CHAF1A: variants seen among roughly 807,000 people sequenced by gnomAD.
CHAF1A encodes the protein CAF-1 subunit A.
In CHAF1A, 5 loss-of-function variants were observed where a neutral mutation model predicts 93.2. The observed-to-expected ratio is 0.05, with a 90% CI of 0.03 to 0.11. CHAF1A has a LOEUF of 0.11. Among genes scored for constraint, CHAF1A ranks in the 10% least tolerant of loss-of-function variants. The pLI is 1.00. For missense variants in CHAF1A, 1,102 were observed against 1,259.9 expected (o/e 0.87, Z 1.90); for synonymous variants, 504 against 510.3 (o/e 0.99, Z 0.17).
Position 4,409,498 on chromosome 19 carries a change from C to A in CHAF1A, c.699C>A (p.Phe233Leu). 2 of 1,614,076 alleles carry A rather than the reference C, an allele frequency of 1.2e-6. No homozygotes were observed. The highest frequency in any genetic ancestry group is 1.1e-5 in the South Asian group (1 of 91,078). Residue 233 changes from phenylalanine to leucine, a missense_variant, in exon 3 of 15, where the codon TTC becomes TTA. Phe to Leu is a conservative substitution (Grantham distance 22). Coordinates refer to ENST00000301280, the MANE Select transcript of CHAF1A (RefSeq NM_005483.3). ...DSWSEAGGIL[F>L]KGKVPMVVLQ... ...GGAGTGAAGCTGGGGGCATCCTGTT[C>A]AAAGGGAAGGTGCCTATGGTGGTCT...
downstream of CHAF1A, chr19:4,445,362 G>A (rs1376427408): frequency 1.7e-5 from 25 of 1,438,032 alleles, no homozygotes; most frequent in East Asian, 6.9e-5. Flanking sequence ...ACAGCTCCAC[G>A]GCTGGCGCCC....
At chr19:4,435,021 C>G (rs1329079378) in intron 13 of CHAF1A, among the ~76,000 whole-genome samples, 1 of 151,022 alleles carries the variant, frequency 6.6e-6, no homozygotes, top group Admixed American at 6.6e-5. Flanking sequence ...TGTTAACGTT[C>G]ATTGCATACT....
At chr19:4,413,228 G>C (rs1973839848) in intron 3 of CHAF1A, among the ~76,000 whole-genome samples, 1 of 151,922 alleles carries the variant, frequency 6.6e-6, no homozygotes, top group East Asian at 1.9e-4. Context: ...CGCGCCACCA[G>C]GCCCAGCTAA....
At position 4,433,221 on chromosome 19, in the gene CHAF1A, C is replaced by G. The variant is rs758014152; in HGVS notation, c.2355C>G (p.Thr785=). 6.2e-7 allele frequency: 1 copy of G among 1,614,172 alleles called. No homozygotes were observed. Among genetic ancestry groups the G allele is most frequent in the Admixed American group, 1.7e-5 (1 of 60,026 alleles). ...CCACCACCTACCTGCACACCCCCAC[C>G]CCCAGCGAGGATGCCGCCATCCCCT... ...SPSTTYLHTP[T]PSEDAAIPSK... The change falls in exon 13 of 15, where the codon ACC becomes ACG. Residue 785 remains threonine (T), a synonymous_variant. Transcript: ENST00000301280. This position sits in a 1 kb window ranked among gnomAD's most constrained non-coding sequence, Gnocchi z 5.6.
intron 13 of CHAF1A, among the ~76,000 whole-genome samples, chr19:4,436,577 G>A (rs774298101): frequency 2.6e-5 from 4 of 152,180 alleles, no homozygotes; most frequent in Non-Finnish European, 4.4e-5. Context: ...GAAAATGATC[G>A]GGGCGGGAAG....
chr19:4,448,648 G>A (rs1974592280), downstream of CHAF1A: 6 of 563,082 alleles, frequency 1.1e-5, no homozygotes, highest in South Asian at 2.0e-5. Flanking sequence ...CTCCCCTTCC[G>A]CCTTCTCAAG....
intron 4 of CHAF1A, among the ~76,000 whole-genome samples, chr19:4,420,019 A>G (rs1396182654): frequency 3.3e-5 from 5 of 152,180 alleles, no homozygotes; most frequent in African/African-American, 9.7e-5. Flanking sequence ...CTGGCAGGAA[A>G]TGCACATCAG....
rs1973662751 is a variant in CHAF1A at position 4,405,463 on chromosome 19, C to T, written c.53-449C>T. On this transcript the variant is annotated intron_variant, in intron 1 of 14. Coordinates refer to ENST00000301280, the MANE Select transcript of CHAF1A (RefSeq NM_005483.3). The stretch of plus-strand genomic sequence containing the variant: ...TCTCTGCTAAAAATACAAAAATTAG[C>T]CGAGAGTGGTGGCATGCGCCTGTAG... Among the ~76,000 whole-genome samples the T allele has an allele frequency of 2.6e-5, 4 of 152,110 alleles. No individual in the cohort carries two copies. In the South Asian group the frequency reaches 8.3e-4, roughly 32 times the overall value.
At chr19:4,437,547 A>G (rs527295764) in intron 13 of CHAF1A, among the ~76,000 whole-genome samples, 26 of 151,910 alleles carry the variant, frequency 1.7e-4, no homozygotes, top group Non-Finnish European at 2.9e-4. Context: ...GACAGGGTCT[A>G]TGTTGCCCAG....
intron 13 of CHAF1A, among the ~76,000 whole-genome samples, chr19:4,436,559 C>G (rs1278656812): frequency 1.3e-5 from 2 of 152,200 alleles, no homozygotes; most frequent in Non-Finnish European, 2.9e-5. Flanking sequence ...ACCGGAGCTC[C>G]CCAGCCTGAA....
intron 4 of CHAF1A, among the ~76,000 whole-genome samples, chr19:4,420,621 T>C (rs987522181): frequency 1.3e-5 from 2 of 152,136 alleles, no homozygotes; most frequent in African/African-American, 2.4e-5. Flanking sequence ...ATGAGGAACG[T>C]AGTGATGAAG....
downstream of CHAF1A, chr19:4,448,475 C>T: frequency 7.2e-7 from 1 of 1,394,226 alleles, no homozygotes; most frequent in Non-Finnish European, 9.9e-7. Context: ...CGGCCCTCCG[C>T]TGCCCAGGTA....
intron 3 of CHAF1A, among the ~76,000 whole-genome samples, chr19:4,410,836 G>A (rs1217915457): frequency 1.3e-5 from 2 of 152,180 alleles, no homozygotes; most frequent in Non-Finnish European, 2.9e-5. Flanking sequence ...GGGTGACAGA[G>A]CGAGACCCCA....
chr19:4,408,729 T>C (rs1599637392), intron 2 of CHAF1A, 174 bp from the exon 3 acceptor site: 2 of 725,894 alleles, frequency 2.8e-6, no homozygotes, highest in Non-Finnish European at 4.4e-6. Flanking sequence ...TGCCTCGGCC[T>C]CCCCAAAGTG....
In CHAF1A at chr19:4,416,046, C is replaced by A. The variant is rs1266594134; in HGVS notation, c.961-1974C>A. On this transcript the variant is annotated intron_variant, in intron 3 of 14. Transcript: ENST00000301280. Reference sequence around the variant, plus strand: ...AAAATTACCCAGGCATGGTGGTGGGCACCTATAGTCCCAGCTACTGGGCAG... The same window carrying A: ...AAAATTACCCAGGCATGGTGGTGGGAACCTATAGTCCCAGCTACTGGGCAG... Among the ~76,000 whole-genome samples, 3 of 152,096 alleles carry A rather than the reference C, an allele frequency of 2.0e-5. No individual in the cohort carries two copies. The East Asian group carries it at 5.8e-4, about 29-fold the overall frequency.
chr19:4,410,619 A>G lies in CHAF1A; in HGVS notation c.960+860A>G, dbSNP rs572683830. On this transcript the variant is annotated intron_variant, in intron 3 of 14. Transcript: ENST00000301280. The stretch of plus-strand genomic sequence containing the variant: ...TGGTCTTGAATTTCTGACCTCAAGT[A>G]ATCTGCCCGTCTTGGCCTCCCAAAG... Among the ~76,000 whole-genome samples the G allele has an allele frequency of 1.4e-3, 212 of 152,172 alleles. 2 individuals are homozygous for G. The highest frequency in any genetic ancestry group is 4.9e-3 in the African/African-American group (204 of 41,544).
chr19:4,419,173 C>G (rs930866515), intron 4 of CHAF1A, among the ~76,000 whole-genome samples: 1 of 151,812 alleles, frequency 6.6e-6, no homozygotes, highest in African/African-American at 2.4e-5. Flanking sequence ...AGCCACTACA[C>G]CTGGCCGCAG....
In CHAF1A at chr19:4,433,256, G is replaced by T. The variant is rs45597332; in HGVS notation, c.2390G>T (p.Arg797Leu). 5 of 1,614,152 alleles carry T rather than the reference G, an allele frequency of 3.1e-6. No homozygotes were observed. The highest frequency in any genetic ancestry group is 2.2e-5 in the East Asian group (1 of 44,888). Residue 797 changes from arginine (R) to leucine (L), a missense_variant, in exon 13 of 15, where the codon CGG becomes CTG. This residue lies in a region of CHAF1A where 76 missense variants were observed against 129.8 expected (regional missense o/e 0.59). Transcript: ENST00000301280. This position sits in a 1 kb window ranked among gnomAD's most constrained non-coding sequence, Gnocchi z 5.6. ...GATGCCGCCATCCCCTCTAAGTCCC[G>T]GCTCAAGCGGCTCATTTCCGAGAAC... Reference protein sequence around the residue: ...SEDAAIPSKSRLKRLISENSV... With the variant: ...SEDAAIPSKSLLKRLISENSV...
At chr19:4,428,026 A>G (rs564258514) in intron 7 of CHAF1A, among the ~76,000 whole-genome samples, 46 of 97,192 alleles carry the variant, frequency 4.7e-4, no homozygotes, top group African/African-American at 1.7e-3. Context: ...CCCTGGCCTA[A>G]TTTTTGTTTT....
Sources: gnomAD v4.1 joint callset for allele counts (sites outside exome capture counted in the v4.1 genomes callset) on GRCh38, gnomAD v4.1.1 for gene constraint, gnomAD v4.1.1 regional missense constraint, Gnocchi (gnomAD v3.1) non-coding constraint, MANE v1.5 for transcripts, NCBI Gene and HGNC (gene_info 2026-07-23, HGNC 2026-07-21) for gene names.